The following EXOSC9 variants were observed in gnomAD, a reference collection of about 807,000 sequenced individuals.
EXOSC9 encodes exosome complex component RRP45.
Under a neutral mutation model 56.5 loss-of-function variants are expected in EXOSC9, and 38 were observed. The observed-to-expected ratio is 0.67, with a 90% confidence interval of 0.52 to 0.88. The LOEUF (loss-of-function observed/expected upper bound fraction) is 0.88, where lower values mean the gene tolerates loss of function less well. EXOSC9 is among the 40% of genes least tolerant of loss of function. The pLI is 0.00. For synonymous variants in EXOSC9, 170 were observed against 170.8 expected, an observed-to-expected ratio of 0.99 and a Z score of 0.04; for missense variants, 559 against 530.5, an observed-to-expected ratio of 1.05 and a Z score of -0.53.
At chr4:121,816,162 T>A (rs1724493355) in intron 10 of EXOSC9, 1 of 650,234 alleles carries the variant, frequency 1.5e-6, no homozygotes, top group Non-Finnish European at 2.7e-6. Context: ...TTTCACCATG[T>A]TGGCCAGACT....
chr4:121,809,862 A>T, intron 6 of EXOSC9, 105 bp from the exon 7 acceptor site: 1 of 1,316,282 alleles, frequency 7.6e-7, no homozygotes, highest in African/African-American at 1.5e-5. Flanking sequence ...TCAGACCTTT[A>T]TTCTCTGTTG....
intron 4 of EXOSC9, among the ~76,000 whole-genome samples, 160 bp downstream of exon 4, chr4:121,803,177 C>CCT (rs1726920453): frequency 1.3e-5 from 2 of 151,870 alleles, no homozygotes; most frequent in Non-Finnish European, 2.9e-5. Flanking sequence ...CTTTGTGCTA[C>CCT]CTCTCTCTCT....
rs1257836812 is a variant in EXOSC9 at position 121,813,264 on chromosome 4, G to A, written c.858G>A (p.Glu286=). 2.5e-6 allele frequency: 4 copies of A among 1,613,648 alleles called. No individual in the cohort carries two copies. Among genetic ancestry groups the A allele is most frequent in the Admixed American group, 3.3e-5 (2 of 59,996 alleles). Residue 286 remains glutamate, a synonymous_variant, in exon 9 of 12, where the codon GAG becomes GAA. Transcript: ENST00000243498. ...RKEGGKFGFA[E]SIANQRITAF... Reference sequence around the variant, plus strand: ...AAGGTGGAAAGTTTGGTTTTGCAGAGTCTATAGCAAATCAAAGGATCACAG... The same window carrying A: ...AAGGTGGAAAGTTTGGTTTTGCAGAATCTATAGCAAATCAAAGGATCACAG...
intron 6 of EXOSC9, 91 bp downstream of exon 6, chr4:121,807,713 C>T (rs1440533445): frequency 7.4e-6 from 6 of 811,006 alleles, no homozygotes; most frequent in Non-Finnish European, 2.2e-6. Flanking sequence ...ATTAAACAAA[C>T]ACTTCCCTTA....
At position 121,811,680 on chromosome 4, in the gene EXOSC9, CT is replaced by C. The variant is rs1359411604; in HGVS notation, c.827+13del. The C allele has an allele frequency of 1.4e-6, 2 of 1,429,394 alleles. No individual in the cohort carries two copies. The highest frequency in any genetic ancestry group is 1.9e-6 in the Non-Finnish European group (2 of 1,044,400). The allele number at this position is 1,429,394 out of a possible 1,614,324, so 88.5% of individuals were successfully genotyped here. A position where few individuals can be genotyped will look rare whatever the true frequency, so the allele number is the denominator to read the frequency against. ...AATGACCAAAAAGTAAGGTAAGTAA[CT>C]TTTCCAGAACTAAGTGGTCTTTTAT... On this transcript the variant is annotated intron_variant, in intron 8 of 11. Transcript: ENST00000243498.
chr4:121,801,802 T>A, intron 1 of EXOSC9, 25 bp from the exon 2 acceptor site: 1 of 1,576,732 alleles, frequency 6.3e-7, no homozygotes, highest in Non-Finnish European at 8.7e-7. Flanking sequence ...AAGGAATAAA[T>A]TAATGAATGA....
chr4:121,806,216 G>T (rs1231692477), intron 5 of EXOSC9, among the ~76,000 whole-genome samples: 2 of 151,816 alleles, frequency 1.3e-5, no homozygotes, highest in Non-Finnish European at 2.9e-5. Context: ...ACAATGGCGT[G>T]ATCTCGGCTC....
At chr4:121,815,353 ATTC>A (rs763253395) in intron 10 of EXOSC9, 177 of 979,276 alleles carry the variant, frequency 1.8e-4, no homozygotes, top group Non-Finnish European at 2.0e-4. Flanking sequence ...TGTTTAGTGT[ATTC>A]TTCTAACAGT....
intron 2 of EXOSC9, 73 bp downstream of exon 2, chr4:121,801,994 T>C (rs1726883478): frequency 4.7e-6 from 5 of 1,059,046 alleles, no homozygotes; most frequent in Non-Finnish European, 5.9e-6. Context: ...CTTGGTTGTT[T>C]ATAAAGCAGC....
chr4:121,801,631 T>A (rs1352071374), intron 1 of EXOSC9, 141 bp downstream of exon 1: 45 of 860,188 alleles, frequency 5.2e-5, no homozygotes, highest in Admixed American at 1.9e-4. Context: ...GCTTTATTTA[T>A]TTTTTTTCGA....
chr4:121,816,602 G>T, intron 11 of EXOSC9, 155 bp downstream of exon 11: 1 of 820,906 alleles, frequency 1.2e-6, no homozygotes, highest in African/African-American at 1.8e-5. Context: ...TTTTTACCTT[G>T]TGATTTATAA....
At chr4:121,804,826 A>T in intron 5 of EXOSC9, 67 bp downstream of exon 5, 1 of 1,368,310 alleles carries the variant, frequency 7.3e-7, no homozygotes, top group Non-Finnish European at 9.8e-7. Context: ...TGTGCAGGCA[A>T]CTTGTTTTTA....
At chr4:121,805,073 T>C (rs1726980375) in intron 5 of EXOSC9, among the ~76,000 whole-genome samples, 1 of 152,210 alleles carries the variant, frequency 6.6e-6, no homozygotes, top group Admixed American at 6.5e-5. Context: ...GAAAAATACA[T>C]GAATCTCAGC....
chr4:121,804,096 G>A lies in EXOSC9; in HGVS notation c.385-526G>A, dbSNP rs148261978. Reference sequence around the variant, plus strand: ...GCTCACTGTAATCTTAAACTCCTGGGCTCAAGAGATCCTCTCTCCTTAGCC... The same window carrying A: ...GCTCACTGTAATCTTAAACTCCTGGACTCAAGAGATCCTCTCTCCTTAGCC... On this transcript the variant is annotated intron_variant, in intron 4 of 11. Transcript: ENST00000243498. Among the ~76,000 whole-genome samples the A allele has an allele frequency of 7.9e-5, 12 of 152,044 alleles. No individual in the cohort carries two copies. In the East Asian group the frequency reaches 2.1e-3, roughly 27 times the overall value.
intron 9 of EXOSC9, 66 bp from the exon 10 acceptor site, chr4:121,813,800 A>T: frequency 8.3e-7 from 1 of 1,206,034 alleles, no homozygotes; most frequent in South Asian, 1.5e-5. Context: ...GAAAACTTTC[A>T]TTCTCATCTT....
At chr4:121,807,136 C>A (rs574208187) in intron 5 of EXOSC9, among the ~76,000 whole-genome samples, 2 of 151,894 alleles carry the variant, frequency 1.3e-5, no homozygotes, top group Non-Finnish European at 2.9e-5. Context: ...ACTAAAAATA[C>A]AAAATTAGCC....
chr4:121,801,566 C>A, intron 1 of EXOSC9, 76 bp downstream of exon 1: 1 of 1,396,972 alleles, frequency 7.2e-7, no homozygotes. Context: ...ACCTGGCCCG[C>A]CTGGGCCCGG....
chr4:121,816,975 AGTT>A lies in EXOSC9; in HGVS notation c.*120_*122del. On this transcript the variant is annotated 3_prime_UTR_variant, in exon 12 of 12. Transcript: ENST00000243498. ...TAAAATCTAGCAGGATTTTAAAAAT[AGTT>A]TTTTGTTTTTAATGTGCTTTAAAAT... 9.2e-7 allele frequency: 1 copy of A among 1,085,572 alleles called. No individual in the cohort carries two copies. 67.2% of individuals were successfully genotyped at this position (1,085,572 alleles called of 1,614,324 possible). A position where few individuals can be genotyped will look rare whatever the true frequency, so the allele number is the denominator to read the frequency against.
intron 3 of EXOSC9, 46 bp from the exon 4 acceptor site, chr4:121,802,869 G>A (rs1726910590): frequency 1.2e-6 from 2 of 1,609,766 alleles, no homozygotes; most frequent in Admixed American, 1.7e-5. Flanking sequence ...TTAATACCTG[G>A]TGTTATATTT....
Sources: gnomAD v4.1 joint callset for allele counts (sites outside exome capture counted in the v4.1 genomes callset) on GRCh38, gnomAD v4.1.1 for gene constraint, MANE v1.5 for transcripts, NCBI Gene and HGNC (gene_info 2026-07-23, HGNC 2026-07-21) for gene names.